The following MITF variants were observed in gnomAD, a reference collection of about 807,000 sequenced individuals.
MITF encodes the protein melanocyte inducing transcription factor, also known as microphthalmia-associated transcription factor.
Under a neutral mutation model 60.5 loss-of-function variants are expected in MITF, and 17 were observed. That is an observed-to-expected ratio of 0.28 (90% confidence interval 0.19 to 0.42). The LOEUF is 0.42. Ranked by LOEUF, MITF falls within the 10% of genes least tolerant of loss-of-function variation. The probability of loss-of-function intolerance (pLI) is 1.00; values close to 1 mark genes in which losing one functional copy is unlikely to be tolerated. For synonymous variants in MITF, 260 were observed against 248.5 expected, an observed-to-expected ratio of 1.05 and a Z score of -0.43; for missense variants, 622 against 683.5, an observed-to-expected ratio of 0.91 and a Z score of 1.00.
Position 69,745,747 on chromosome 3 carries a change from C to T in MITF, c.104+6046C>T, listed in dbSNP as rs534307352. Among the ~76,000 whole-genome samples the T allele has an allele frequency of 4.3e-4, 66 of 152,200 alleles. No individual in the cohort carries two copies. In the South Asian group the frequency reaches 0.011, roughly 26 times the overall value. On this transcript the variant is annotated intron_variant, in intron 1 of 9. Transcript: ENST00000352241. ...GCCCTGCTTAAGTGCTGTCTGTGGTCGCTGCTTTGCCACTTAACCAGTACA... is the reference window on the plus strand; with the variant it reads ...GCCCTGCTTAAGTGCTGTCTGTGGTTGCTGCTTTGCCACTTAACCAGTACA...
intron 1 of MITF, among the ~76,000 whole-genome samples, chr3:69,769,048 A>C (rs2062349806): frequency 2.6e-5 from 4 of 152,160 alleles, no homozygotes; most frequent in Admixed American, 2.6e-4. Flanking sequence ...AGTTTGGGCA[A>C]ATCACTAAGA....
intron 1 of MITF, among the ~76,000 whole-genome samples, chr3:69,818,990 A>G (rs1489175749): frequency 2.0e-5 from 3 of 152,208 alleles, no homozygotes; most frequent in South Asian, 2.1e-4. Context: ...CAGTAATCAT[A>G]TGCTTCAGTG....
chr3:69,956,430 C>T, intron 7 of MITF, 25 bp from the exon 8 acceptor site: 1 of 1,586,734 alleles, frequency 6.3e-7, no homozygotes, highest in South Asian at 1.1e-5. Context: ...TTACTAATAG[C>T]CTTTCCTGTG....
At position 69,857,100 on chromosome 3, in the gene MITF, G is replaced by C. The variant is rs573120598; in HGVS notation, c.105-22034G>C. On this transcript the variant is annotated intron_variant, in intron 1 of 9. Transcript: ENST00000352241. The stretch of plus-strand genomic sequence containing the variant: ...TTGTATGTGGTGAAAGAATGAAGTA[G>C]TGACCTAAACAGACATGGTTCATGC... 2.6e-4 allele frequency among the ~76,000 whole-genome samples: 39 copies of C among 152,150 alleles called. 1 individual carries two copies. In the South Asian group the frequency reaches 7.5e-3, roughly 29 times the overall value.
intron 2 of MITF, among the ~76,000 whole-genome samples, chr3:69,900,002 T>C (rs2064961552): frequency 6.6e-6 from 1 of 152,104 alleles, no homozygotes. Context: ...TGTCCTCAGA[T>C]TTGATGAATA....
intron 8 of MITF, among the ~76,000 whole-genome samples, chr3:69,958,336 C>T (rs2066451296): frequency 6.6e-6 from 1 of 152,094 alleles, no homozygotes; most frequent in South Asian, 2.1e-4. Context: ...CAGGACATTC[C>T]CCTGGGTTGC....
chr3:69,764,852 T>A (rs1027456705), intron 1 of MITF, among the ~76,000 whole-genome samples: 5 of 152,240 alleles, frequency 3.3e-5, no homozygotes, highest in African/African-American at 1.2e-4. Context: ...TCTGTGTTAT[T>A]TGTGACAATT....
At chr3:69,837,860 A>C (rs975488852) in intron 1 of MITF, among the ~76,000 whole-genome samples, 6 of 152,184 alleles carry the variant, frequency 3.9e-5, no homozygotes, top group Admixed American at 2.0e-4. Flanking sequence ...TATTATCTCT[A>C]TAAAATCTGG....
intron 1 of MITF, among the ~76,000 whole-genome samples, chr3:69,849,590 G>C (rs188371292): frequency 2.6e-5 from 4 of 152,326 alleles, no homozygotes; most frequent in Admixed American, 2.6e-4. Flanking sequence ...TAGAAGGCTT[G>C]AGTAATTTCC....
At chr3:69,863,894 T>C (rs1325970380) in intron 1 of MITF, among the ~76,000 whole-genome samples, 2 of 152,204 alleles carry the variant, frequency 1.3e-5, no homozygotes, top group African/African-American at 4.8e-5. Flanking sequence ...TTAAAGTTTC[T>C]GATATGGTTA....
In MITF at chr3:69,834,648, T is replaced by A. The variant is rs555337742; in HGVS notation, c.105-44486T>A. On this transcript the variant is annotated intron_variant, in intron 1 of 9. Transcript: ENST00000352241. ...TGCAATAAACATGGGAGTGCAGATA[T>A]CTCTTTGGCATACTGATTTCATTTC... Among the ~76,000 whole-genome samples the A allele has an allele frequency of 6.6e-5, 10 of 152,308 alleles. No homozygotes were observed. In the East Asian group the frequency reaches 1.9e-3, roughly 29 times the overall value.
Position 69,793,365 on chromosome 3 carries a change from A to C in MITF, c.104+53664A>C, listed in dbSNP as rs375613977. 3.9e-5 allele frequency among the ~76,000 whole-genome samples: 6 copies of C among 152,296 alleles called. No homozygotes were observed. The East Asian group carries it at 7.7e-4, about 20-fold the overall frequency. ...CTCTTTGAATTTTTGCATTATAGCTATCTATGCTGTATAGTGAAGGATTTC... is the reference window on the plus strand; with the variant it reads ...CTCTTTGAATTTTTGCATTATAGCTCTCTATGCTGTATAGTGAAGGATTTC... On this transcript the variant is annotated intron_variant, in intron 1 of 9. Coordinates refer to ENST00000352241, the MANE Select transcript of MITF (RefSeq NM_001354604.2).
At chr3:69,830,439 C>T (rs1365402307) in intron 1 of MITF, among the ~76,000 whole-genome samples, 1 of 152,166 alleles carries the variant, frequency 6.6e-6, no homozygotes, top group Non-Finnish European at 1.5e-5. Context: ...TGGGCCTACC[C>T]TGACTACCAT....
chr3:69,862,054 CTA>C (rs1454368639), intron 1 of MITF, among the ~76,000 whole-genome samples: 1 of 150,906 alleles, frequency 6.6e-6, no homozygotes, highest in African/African-American at 2.4e-5. Flanking sequence ...TTATATATAG[CTA>C]TATATATTAT....
Position 69,964,982 on chromosome 3 carries a change from C to T in MITF, c.1315C>T (p.His439Tyr). ...CTGCAGCCAAGACCTCCTTCAGCAT[C>T]ATGCAGACCTAACCTGTACAACAAC... ...ENCSQDLLQH[H>Y]ADLTCTTTLD... Residue 439 changes from histidine (H) to tyrosine (Y), a missense_variant, in exon 10 of 10, where the codon CAT (histidine) becomes TAT (tyrosine). Around this residue, in one of 5 missense-constraint regions of MITF, gnomAD observed 224 missense variants for 209.5 expected, o/e 1.07. Transcript: ENST00000352241. The T allele has an allele frequency of 6.2e-7, 1 of 1,614,156 alleles. No homozygotes were observed. The highest frequency in any genetic ancestry group is 8.5e-7 in the Non-Finnish European group (1 of 1,180,020).
chr3:69,871,010 T>G (rs766412126), intron 1 of MITF, among the ~76,000 whole-genome samples: 1 of 152,192 alleles, frequency 6.6e-6, no homozygotes, highest in Non-Finnish European at 1.5e-5. Flanking sequence ...GGAGTTTGAT[T>G]GGCCCTCGTG....
chr3:69,788,639 A>C (rs1189449678), intron 1 of MITF, among the ~76,000 whole-genome samples: 1 of 152,166 alleles, frequency 6.6e-6, no homozygotes, highest in Non-Finnish European at 1.5e-5. Flanking sequence ...TGAAGAGCCA[A>C]AGCAATTTTG....
chr3:69,866,149 A>G, intron 1 of MITF: 1 of 1,468,758 alleles, frequency 6.8e-7, no homozygotes, highest in Non-Finnish European at 9.0e-7. Flanking sequence ...GAAACCAGGC[A>G]CCGTTCTAGC....
At chr3:69,857,676 ATT>A (rs774802361) in intron 1 of MITF, among the ~76,000 whole-genome samples, 4 of 152,166 alleles carry the variant, frequency 2.6e-5, no homozygotes, top group Non-Finnish European at 5.9e-5. Flanking sequence ...CAATTTTCAC[ATT>A]GTCTGTTTAA....
Sources: allele counts gnomAD v4.1 joint callset (sites outside exome capture counted in the v4.1 genomes callset), GRCh38; gene constraint gnomAD v4.1.1; regional missense constraint gnomAD v4.1.1; transcripts MANE v1.5; gene names NCBI Gene and HGNC (gene_info 2026-07-23, HGNC 2026-07-21).